Variants in PIK3R1 observed in about 807,000 individuals in gnomAD.
PIK3R1 encodes the protein phosphoinositide-3-kinase regulatory subunit 1, also known as phosphatidylinositol 3-kinase regulatory subunit alpha.
Under a neutral mutation model 98.0 loss-of-function variants are expected in PIK3R1, and 29 were observed. The ratio of observed to expected loss-of-function variants is 0.30; its 90% confidence interval spans 0.22 to 0.40. PIK3R1 has a LOEUF of 0.40. Ranked by LOEUF, PIK3R1 falls within the 10% of genes least tolerant of loss-of-function variation. The probability of loss-of-function intolerance (pLI) is 1.00; values close to 1 mark genes in which losing one functional copy is unlikely to be tolerated. For missense variants in PIK3R1, 596 were observed against 872.7 expected (o/e 0.68, Z 3.99); for synonymous variants, 282 against 311.8 (o/e 0.90, Z 1.01).
intron 2 of PIK3R1, among the ~76,000 whole-genome samples, chr5:68,255,797 C>G (rs995664406): frequency 5.9e-5 from 9 of 152,148 alleles, no homozygotes; most frequent in African/African-American, 1.9e-4. Flanking sequence ...CATAAATGTT[C>G]TTGTTGTCAT....
intron 2 of PIK3R1, among the ~76,000 whole-genome samples, chr5:68,233,919 T>C (rs7707370): frequency 0.57 from 86,374 of 151,158 alleles, 25,775 homozygotes; most frequent in African/African-American, 0.75. Flanking sequence ...TATTTGTATT[T>C]GTCTGTCTAT....
At chr5:68,280,490 T>G (rs2112193838) in intron 5 of PIK3R1, 38 bp from the exon 6 acceptor site, 1 of 1,387,454 alleles carries the variant, frequency 7.2e-7, no homozygotes, top group Non-Finnish European at 1.0e-6. Flanking sequence ...AAGTAGTCGC[T>G]TACTCATTTC....
chr5:68,263,170 T>C (rs1040615991), intron 2 of PIK3R1, among the ~76,000 whole-genome samples: 1 of 146,300 alleles, frequency 6.8e-6, no homozygotes, highest in African/African-American at 2.5e-5. Context: ...TATCTACATA[T>C]ATATCTATAT....
intron 2 of PIK3R1, among the ~76,000 whole-genome samples, chr5:68,232,380 G>A (rs1340017060): frequency 6.6e-6 from 1 of 152,186 alleles, no homozygotes; most frequent in Non-Finnish European, 1.5e-5. Context: ...AAAAGAGACA[G>A]GATGCTCACT....
Position 68,300,006 on chromosome 5 carries a change from G to A in PIK3R1, c.*2405G>A, listed in dbSNP as rs956636988. 4.7e-5 allele frequency: 11 copies of A among 233,074 alleles called. No homozygotes were observed. The South Asian group carries it at 1.6e-3, about 35-fold the overall frequency. The allele number at this position is 233,074 out of a possible 1,614,324, so 14.4% of individuals were successfully genotyped here. A position where few individuals can be genotyped will look rare whatever the true frequency, so the allele number is the denominator to read the frequency against. On this transcript the variant is annotated 3_prime_UTR_variant, in exon 16 of 16. Transcript: ENST00000521381. The stretch of plus-strand genomic sequence containing the variant: ...TTAACAGTTTTTAAACTAGGTTTGT[G>A]GGTATTTTTTTGGTAGCACATGTAT...
intron 2 of PIK3R1, chr5:68,240,055 A>T: frequency 3.0e-6 from 1 of 331,084 alleles, no homozygotes; most frequent in Non-Finnish European, 6.0e-6. Context: ...TTAATGTTGT[A>T]GATAACATTA....
chr5:68,273,213 G>A (rs912825563), intron 2 of PIK3R1, among the ~76,000 whole-genome samples, 177 bp from the exon 3 acceptor site: 4 of 152,232 alleles, frequency 2.6e-5, no homozygotes, highest in Non-Finnish European at 5.9e-5. Flanking sequence ...ACTCTGAGTA[G>A]ACCCTAGGTG....
rs1747805782 is a variant in PIK3R1, at chr5:68,297,657, A to T, written c.*56A>T. The T allele has an allele frequency of 7.0e-7, 1 of 1,420,000 alleles. No homozygotes were observed. The highest frequency in any genetic ancestry group is 1.4e-5 in the African/African-American group (1 of 70,232). 88.0% of individuals were successfully genotyped at this position (1,420,000 alleles called of 1,614,324 possible). On this transcript the variant is annotated 3_prime_UTR_variant, in exon 16 of 16. Coordinates refer to ENST00000521381, the MANE Select transcript of PIK3R1 (RefSeq NM_181523.3). ...TTCAGCCACCCTGAGGCCTCTGGAA[A>T]GCAAAGGGCTCCTCTCCAGTCTGAT...
At chr5:68,238,712 A>G (rs1561264555) in intron 2 of PIK3R1, among the ~76,000 whole-genome samples, 1 of 152,302 alleles carries the variant, frequency 6.6e-6, no homozygotes, top group Non-Finnish European at 1.5e-5. Context: ...GGGAGAAGAT[A>G]TATAGAGAGA....
At chr5:68,295,004 C>CAAA (rs397789500) in intron 12 of PIK3R1, 144 bp from the exon 13 acceptor site, 92 of 382,326 alleles carry the variant, frequency 2.4e-4, no homozygotes, top group African/African-American at 1.6e-3. Context: ...TGAGCCACTC[C>CAAA]AAAAAAAAAA....
chr5:68,241,855 A>G (rs761620880), intron 2 of PIK3R1, among the ~76,000 whole-genome samples: 10 of 152,348 alleles, frequency 6.6e-5, no homozygotes, highest in Non-Finnish European at 1.2e-4. Context: ...ACAATCTCAC[A>G]TTTCTGTGAT....
At chr5:68,257,863 A>G (rs1213792126) in intron 2 of PIK3R1, among the ~76,000 whole-genome samples, 1 of 152,164 alleles carries the variant, frequency 6.6e-6, no homozygotes, top group Non-Finnish European at 1.5e-5. Context: ...TTGATTCAGT[A>G]CCTTTTAGCT....
At chr5:68,275,022 G>A (rs1026797463) in intron 4 of PIK3R1, among the ~76,000 whole-genome samples, 1 of 152,190 alleles carries the variant, frequency 6.6e-6, no homozygotes, top group Non-Finnish European at 1.5e-5. Context: ...GTTTCAAAAT[G>A]AGGCAACTTC....
chr5:68,261,062 T>C (rs1203651506), intron 2 of PIK3R1, among the ~76,000 whole-genome samples: 1 of 152,194 alleles, frequency 6.6e-6, no homozygotes, highest in Admixed American at 6.5e-5. Flanking sequence ...CTTCCTTCCC[T>C]CCATATTTGA....
chr5:68,247,659 G>A (rs988454980), intron 2 of PIK3R1, among the ~76,000 whole-genome samples: 3 of 150,766 alleles, frequency 2.0e-5, no homozygotes, highest in Admixed American at 2.0e-4. Flanking sequence ...GCTCACTGTA[G>A]CCTTGACATC....
In PIK3R1 at chr5:68,273,428, C is replaced by G; in HGVS notation, c.373C>G (p.Pro125Ala). 1 of 1,614,136 alleles carries G rather than the reference C, an allele frequency of 6.2e-7. No homozygotes were observed. The highest frequency in any genetic ancestry group is 1.1e-5 in the South Asian group (1 of 91,086). ...GGATCTTGCAGAGCAGTTTGCCCCTCCTGACATTGCCCCGCCTCTTCTTAT... is the reference window on the plus strand; with the variant it reads ...GGATCTTGCAGAGCAGTTTGCCCCTGCTGACATTGCCCCGCCTCTTCTTAT... ...LPDLAEQFAP[P>A]DIAPPLLIKL... Residue 125 changes from proline to alanine, a missense_variant, in exon 3 of 16, where the codon CCT (proline) becomes GCT (alanine). This residue lies in a region of PIK3R1 where 352 missense variants were observed against 393.3 expected (regional missense o/e 0.90). Transcript: ENST00000521381.
chr5:68,273,549 T>C, intron 3 of PIK3R1, 67 bp downstream of exon 3: 1 of 1,302,658 alleles, frequency 7.7e-7, no homozygotes, highest in Non-Finnish European at 1.1e-6. Flanking sequence ...TTATTATTTG[T>C]CTCTTGTGCA....
chr5:68,230,196 G>A (rs1208403565), intron 2 of PIK3R1, among the ~76,000 whole-genome samples: 5 of 152,176 alleles, frequency 3.3e-5, no homozygotes, highest in South Asian at 4.1e-4. Flanking sequence ...CTCTACTCAC[G>A]CTATTCTATG....
chr5:68,249,278 A>C (rs1745213618), intron 2 of PIK3R1, among the ~76,000 whole-genome samples: 1 of 152,250 alleles, frequency 6.6e-6, no homozygotes, highest in Admixed American at 6.5e-5. Flanking sequence ...CCACCAAAGA[A>C]GAGTAGAATT....
Sources: gnomAD v4.1 joint callset for allele counts (sites outside exome capture counted in the v4.1 genomes callset) on GRCh38, gnomAD v4.1.1 for gene constraint, gnomAD v4.1.1 regional missense constraint, MANE v1.5 for transcripts, NCBI Gene and HGNC (gene_info 2026-07-23, HGNC 2026-07-21) for gene names.